Variants in NBAS observed in about 807,000 individuals in gnomAD.
The protein encoded by NBAS is NAG/BC035112 fusion.
NBAS carries 219 observed loss-of-function variants against 302.5 expected under a neutral mutation model. The observed-to-expected ratio is 0.72, with a 90% CI of 0.65 to 0.81. The LOEUF (loss-of-function observed/expected upper bound fraction) is 0.81. Among genes scored for constraint, NBAS ranks in the 30% least tolerant of loss-of-function variants. The pLI is 0.00. For synonymous variants in NBAS, 1,118 were observed against 1,021.6 expected (o/e 1.09, Z -1.80); for missense variants, 2,932 against 2,841.6 (o/e 1.03, Z -0.72).
At chr2:15,220,072 G>T (rs1434806382) in intron 47 of NBAS, among the ~76,000 whole-genome samples, 39 of 145,472 alleles carry the variant, frequency 2.7e-4, no homozygotes, top group African/African-American at 9.7e-4. Flanking sequence ...GGCTGGCCGG[G>T]CGGGGGGCTG....
At chr2:14,900,171 T>C in the NBAS span, among the ~76,000 whole-genome samples, 682 of 150,594 alleles carry the variant, frequency 4.5e-3, 6 homozygotes, top group African/African-American at 0.016. Flanking sequence ...GACCTACCCA[T>C]TTGCTCAGCT....
chr2:15,139,243 A>C, the NBAS span, among the ~76,000 whole-genome samples: 1 of 152,228 alleles, frequency 6.6e-6, no homozygotes, highest in Non-Finnish European at 1.5e-5. Flanking sequence ...AAAAGTAAGA[A>C]GCTTTTAAAA....
chr2:15,244,989 C>G (rs1401006705), intron 44 of NBAS, among the ~76,000 whole-genome samples: 1 of 152,094 alleles, frequency 6.6e-6, no homozygotes, highest in Non-Finnish European at 1.5e-5. Flanking sequence ...CTTCTCCTGA[C>G]AAGGTACTTG....
chr2:15,534,461 A>G (rs893494360), intron 9 of NBAS, 82 bp downstream of exon 9: 19 of 1,011,820 alleles, frequency 1.9e-5, no homozygotes, highest in African/African-American at 1.2e-4. Flanking sequence ...AAGTCAACAT[A>G]AGAATCAGAA....
At chr2:15,537,820 G>A (rs1663592072) in intron 7 of NBAS, among the ~76,000 whole-genome samples, 1 of 152,136 alleles carries the variant, frequency 6.6e-6, no homozygotes, top group Admixed American at 6.5e-5. Flanking sequence ...AATAAAAACT[G>A]TACAACTTTT....
Position 15,167,009 on chromosome 2 carries a change from G to T in NBAS, c.*39C>A. On this transcript the variant is annotated 3_prime_UTR_variant, in exon 52 of 52. Transcript: ENST00000281513. ...CTTCTGGGAACAGCATTCAACTCCA[G>T]ATGCTTTTTCTGCTAAGGAGCAGGG... is the stretch of plus-strand genomic sequence containing the variant. The T allele has an allele frequency of 6.6e-7, 1 of 1,509,826 alleles. No individual in the cohort carries two copies. Among genetic ancestry groups the T allele is most frequent in the Non-Finnish European group, 8.9e-7 (1 of 1,129,034 alleles). 93.5% of individuals were successfully genotyped at this position (1,509,826 alleles called of 1,614,324 possible).
the NBAS span, among the ~76,000 whole-genome samples, chr2:14,957,710 G>A: frequency 1.8e-4 from 27 of 152,222 alleles, no homozygotes; most frequent in South Asian, 4.1e-4. Flanking sequence ...GGCTCCAGCC[G>A]TCAGCCCTGC....
rs557612221 is a variant in NBAS at position 15,214,487 on chromosome 2, T to C, written c.6432+4286A>G. ...TCCTTTCTGGACTTCTGTATCCTTT[T>C]CTATAAAGTATGACTGCTGAACTGG... On this transcript the variant is annotated intron_variant, in intron 48 of 51. Coordinates refer to ENST00000281513, the MANE Select transcript of NBAS (RefSeq NM_015909.4). Among the ~76,000 whole-genome samples, 8 of 152,358 alleles carry C rather than the reference T, an allele frequency of 5.3e-5. No homozygotes were observed. The South Asian group carries it at 1.4e-3, about 28-fold the overall frequency.
chr2:15,491,602 G>A (rs998075304), intron 11 of NBAS, among the ~76,000 whole-genome samples: 6 of 152,100 alleles, frequency 3.9e-5, no homozygotes, highest in Non-Finnish European at 8.8e-5. Context: ...CAGGCGTGGT[G>A]GTGGGCGCCT....
At chr2:15,122,285 C>T in the NBAS span, among the ~76,000 whole-genome samples, 2 of 152,110 alleles carry the variant, frequency 1.3e-5, no homozygotes, top group Admixed American at 6.5e-5. Flanking sequence ...GCAGGCTTTA[C>T]AGAAAGCATA....
At chr2:15,133,888 G>A in the NBAS span, among the ~76,000 whole-genome samples, 13 of 152,098 alleles carry the variant, frequency 8.5e-5, no homozygotes, top group Admixed American at 3.9e-4. Flanking sequence ...TATGAATGTA[G>A]AGGATGAATT....
chr2:15,091,539 CTT>C, the NBAS span, among the ~76,000 whole-genome samples: 4 of 143,918 alleles, frequency 2.8e-5, no homozygotes, highest in Non-Finnish European at 1.5e-5. Flanking sequence ...TTTTCTTTTT[CTT>C]TTTTTTTTTG....
intron 42 of NBAS, among the ~76,000 whole-genome samples, chr2:15,285,684 G>A (rs1263470554): frequency 2.6e-5 from 4 of 151,928 alleles, no homozygotes; most frequent in East Asian, 1.9e-4. Context: ...ACAGAGTCTC[G>A]CTCTGTTGCC....
chr2:15,215,002 G>T (rs546384839), intron 48 of NBAS, among the ~76,000 whole-genome samples: 1 of 152,206 alleles, frequency 6.6e-6, no homozygotes, highest in Admixed American at 6.5e-5. Context: ...AGGTGACATG[G>T]TATGGGATTT....
Position 15,468,292 on chromosome 2 carries a change from A to G in NBAS, c.1877+90T>C, listed in dbSNP as rs57063214. 8,435 of 1,478,532 alleles carry G rather than the reference A, an allele frequency of 5.7e-3. 161 individuals carry two copies. Among genetic ancestry groups the G allele is most frequent in the East Asian group, 0.05 (2,197 of 44,218 alleles). 91.6% of individuals were successfully genotyped at this position (1,478,532 alleles called of 1,614,324 possible). ...ACTGCTTCAGTACAGAATAACTTAA[A>G]TAAAGAAAAGTTTACCCAGTCCAAT... On this transcript the variant is annotated intron_variant, in intron 17 of 51. Transcript: ENST00000281513.
chr2:15,383,561 T>C (rs1297609079), intron 28 of NBAS, among the ~76,000 whole-genome samples: 2 of 152,180 alleles, frequency 1.3e-5, no homozygotes, highest in Admixed American at 6.5e-5. Flanking sequence ...TGGTCTGTCA[T>C]AGCCTGAGCA....
At chr2:14,847,868 G>A in the NBAS span, among the ~76,000 whole-genome samples, 1 of 152,098 alleles carries the variant, frequency 6.6e-6, no homozygotes, top group African/African-American at 2.4e-5. Context: ...TCAAGGACAG[G>A]CCATATGTTA....
At chr2:15,539,950 T>C (rs1663720812) in intron 6 of NBAS, among the ~76,000 whole-genome samples, 1 of 152,014 alleles carries the variant, frequency 6.6e-6, no homozygotes, top group Non-Finnish European at 1.5e-5. Context: ...AATTTCAAGA[T>C]TTTGATAATC....
At chr2:15,397,701 G>A (rs564730733) in intron 26 of NBAS, 2 of 478,784 alleles carry the variant, frequency 4.2e-6, no homozygotes, top group Non-Finnish European at 7.8e-6. Flanking sequence ...GGCACACATT[G>A]GGCACAGTTC....
Sources: gnomAD v4.1 joint callset for allele counts (sites outside exome capture counted in the v4.1 genomes callset) on GRCh38, gnomAD v4.1.1 for gene constraint, MANE v1.5 for transcripts, NCBI Gene and HGNC (gene_info 2026-07-23, HGNC 2026-07-21) for gene names.